Variants in CADM2 observed in about 807,000 individuals in gnomAD.
CADM2 encodes the protein immunoglobulin superfamily member 4D.
In CADM2, 12 loss-of-function variants were observed where a neutral mutation model predicts 49.8. That is an observed-to-expected ratio of 0.24 (90% confidence interval 0.15 to 0.39). The LOEUF is 0.39. CADM2 is among the 10% of genes least tolerant of loss of function. CADM2 has a pLI of 1.00. For synonymous variants in CADM2, 214 were observed against 175.4 expected, an observed-to-expected ratio of 1.22 and a Z score of -1.74; for missense variants, 378 against 492.3, an observed-to-expected ratio of 0.77 and a Z score of 2.20.
intron 1 of CADM2, among the ~76,000 whole-genome samples, chr3:85,703,327 T>C (rs2066841529): frequency 6.6e-6 from 1 of 152,054 alleles, no homozygotes; most frequent in Non-Finnish European, 1.5e-5. Flanking sequence ...TTTTTTCCAC[T>C]CTACTTCTTG....
At position 84,991,612 on chromosome 3, in the gene CADM2, C is replaced by T. The variant is rs1008633746; in HGVS notation, c.61+31944C>T. Among the ~76,000 whole-genome samples the T allele has an allele frequency of 8.5e-5, 13 of 152,176 alleles. No individual in the cohort carries two copies. The South Asian group carries it at 1.2e-3, about 15-fold the overall frequency. On this transcript the variant is annotated intron_variant, in intron 1 of 9. Transcript: ENST00000383699. ...ATGGCATAGCCAGTTTCTTACAAAA[C>T]ACACTCTTATGACACAATCCAGCAA... is the stretch of plus-strand genomic sequence containing the variant.
intron 2 of CADM2, among the ~76,000 whole-genome samples, chr3:85,784,540 ATCTATC>A (rs769366390): frequency 1.7e-4 from 18 of 108,172 alleles, no homozygotes; most frequent in Non-Finnish European, 3.5e-4. Context: ...TTATCTATCT[ATCTATC>A]TATCTATCTA....
chr3:85,853,289 G>A (rs775763995), intron 3 of CADM2, among the ~76,000 whole-genome samples: 12 of 151,352 alleles, frequency 7.9e-5, no homozygotes, highest in Non-Finnish European at 1.6e-4. Context: ...AAGGGGTGGG[G>A]GGAAGCAACA....
intron 1 of CADM2, among the ~76,000 whole-genome samples, chr3:85,348,726 T>G (rs747727132): frequency 9.2e-5 from 14 of 152,114 alleles, no homozygotes; most frequent in African/African-American, 3.1e-4. Context: ...AGGCAATCTA[T>G]TAAAATGTGA....
At chr3:85,227,389 T>C (rs1334026805) in intron 1 of CADM2, among the ~76,000 whole-genome samples, 1 of 152,134 alleles carries the variant, frequency 6.6e-6, no homozygotes, top group Non-Finnish European at 1.5e-5. Context: ...TGCCTTTCTT[T>C]GTCTCTTTTG....
At chr3:85,430,341 C>T (rs1319223779) in intron 1 of CADM2, among the ~76,000 whole-genome samples, 1 of 151,840 alleles carries the variant, frequency 6.6e-6, no homozygotes, top group Admixed American at 6.6e-5. Flanking sequence ...ACTCTGAAGA[C>T]AATAAATGTA....
intron 1 of CADM2, among the ~76,000 whole-genome samples, chr3:85,711,333 C>G (rs555918881): frequency 6.6e-6 from 1 of 152,122 alleles, no homozygotes; most frequent in East Asian, 1.9e-4. Context: ...TCGCTTTTGT[C>G]CCCTAAGGCC....
intron 1 of CADM2, among the ~76,000 whole-genome samples, chr3:85,573,023 C>A (rs2062523804): frequency 6.6e-6 from 1 of 151,960 alleles, no homozygotes. Flanking sequence ...AAGATGCAGT[C>A]CATTTTAGTT....
At chr3:85,013,850 T>C (rs941772504) in intron 1 of CADM2, among the ~76,000 whole-genome samples, 30 of 147,470 alleles carry the variant, frequency 2.0e-4, no homozygotes, top group African/African-American at 6.9e-4. Context: ...AATATTGTAC[T>C]GAGGACAATA....
chr3:85,568,525 TCC>T lies in CADM2; in HGVS notation c.62-157995_62-157994del, dbSNP rs2062380438. Among the ~76,000 whole-genome samples the T allele has an allele frequency of 2.1e-5, 3 of 143,856 alleles. 1 individual carries two copies. Among genetic ancestry groups the T allele is most frequent in the Non-Finnish European group, 4.6e-5 (3 of 65,528 alleles). 94.4% of individuals were successfully genotyped at this position (143,856 alleles called of 152,430 possible). A position where few individuals can be genotyped will look rare whatever the true frequency, so the allele number is the denominator to read the frequency against. On this transcript the variant is annotated intron_variant, in intron 1 of 9. Transcript: ENST00000383699. The stretch of plus-strand genomic sequence containing the variant: ...TTTCTTTCTTTCTTTCCTCCCTCCC[TCC>T]CTCTCTCTTTTCTTTCTTTCTTTCT...
At chr3:85,199,442 A>G (rs2041435354) in intron 1 of CADM2, among the ~76,000 whole-genome samples, 1 of 150,328 alleles carries the variant, frequency 6.7e-6, no homozygotes, top group Non-Finnish European at 1.5e-5. Context: ...AAACAAAAAC[A>G]GAGAAAATAA....
chr3:85,071,091 A>G (rs1025964505), intron 1 of CADM2, among the ~76,000 whole-genome samples: 3 of 151,912 alleles, frequency 2.0e-5, no homozygotes, highest in Non-Finnish European at 4.4e-5. Flanking sequence ...CGTTCTCCAT[A>G]AGAAATGTTA....
intron 1 of CADM2, among the ~76,000 whole-genome samples, chr3:84,988,025 A>G (rs1242240687): frequency 6.6e-6 from 1 of 152,174 alleles, no homozygotes; most frequent in Non-Finnish European, 1.5e-5. Flanking sequence ...GTGGCCACAG[A>G]CATGGAGAAA....
rs77440740 is a variant in CADM2 at position 85,350,176 on chromosome 3, G to A, written c.62-376346G>A. 2.9e-3 allele frequency among the ~76,000 whole-genome samples: 436 copies of A among 152,230 alleles called. 1 individual carries two copies. Among genetic ancestry groups the A allele is most frequent in the African/African-American group, 0.01 (424 of 41,552 alleles). ...AGTTCTTAGTGTCTATACTGAGGGT[G>A]GGATTAGAAGGTTTTGGTTACCAAA... On this transcript the variant is annotated intron_variant, in intron 1 of 9. Coordinates refer to ENST00000383699, the MANE Select transcript of CADM2 (RefSeq NM_001167675.2).
At chr3:86,057,741 C>G (rs1239369798) in intron 8 of CADM2, among the ~76,000 whole-genome samples, 1 of 151,698 alleles carries the variant, frequency 6.6e-6, no homozygotes, top group African/African-American at 2.4e-5. Flanking sequence ...CTTTGCATGC[C>G]CAGAGGGAAA....
chr3:85,295,459 A>G (rs1358090672), intron 1 of CADM2, among the ~76,000 whole-genome samples: 1 of 152,190 alleles, frequency 6.6e-6, no homozygotes, highest in Non-Finnish European at 1.5e-5. Context: ...CCAAAGGACT[A>G]TAAATCATGC....
At chr3:85,436,458 A>G (rs2036934813) in intron 1 of CADM2, among the ~76,000 whole-genome samples, 1 of 151,976 alleles carries the variant, frequency 6.6e-6, no homozygotes, top group Non-Finnish European at 1.5e-5. Context: ...GTTGAATAGG[A>G]GCAGTGAGAG....
At chr3:85,465,125 G>T (rs564989973) in intron 1 of CADM2, among the ~76,000 whole-genome samples, 2 of 152,260 alleles carry the variant, frequency 1.3e-5, no homozygotes, top group Admixed American at 1.3e-4. Context: ...ACTCCAGCCT[G>T]GGAGACAGAA....
At chr3:85,643,820 TTGTTTAATCATAGATGTTAGA>T (rs1176669447) in intron 1 of CADM2, among the ~76,000 whole-genome samples, 5 of 152,174 alleles carry the variant, frequency 3.3e-5, no homozygotes, top group East Asian at 1.9e-4. Context: ...TGTGGAGTCA[TTGTTTAATCATAGATGTTAGA>T]TGTTTAATCA....
Sources: allele counts gnomAD v4.1 joint callset (sites outside exome capture counted in the v4.1 genomes callset), GRCh38; gene constraint gnomAD v4.1.1; transcripts MANE v1.5; gene names NCBI Gene and HGNC (gene_info 2026-07-23, HGNC 2026-07-21).